KLF12: variants seen among roughly 807,000 people sequenced by gnomAD.
KLF12 encodes the protein Krueppel-like factor 12.
A neutral mutation model predicts 37.8 loss-of-function variants in KLF12; 9 were observed. The observed-to-expected ratio is 0.24, with a 90% CI of 0.14 to 0.42. The LOEUF (loss-of-function observed/expected upper bound fraction) is 0.42. Ranked by LOEUF, KLF12 falls within the 10% of genes least tolerant of loss-of-function variation. The probability of loss-of-function intolerance (pLI) is 1.00; values close to 1 mark genes in which losing one functional copy is unlikely to be tolerated. For synonymous variants in KLF12, 208 were observed against 202.1 expected (o/e 1.03, Z -0.25); for missense variants, 411 against 516.0 (o/e 0.80, Z 1.97).
chr13:74,077,837 T>C lies in KLF12; in HGVS notation c.-32+55902A>G, dbSNP rs1874654470. Among the ~76,000 whole-genome samples the C allele has an allele frequency of 1.3e-5, 2 of 152,214 alleles. 1 individual carries two copies. Among genetic ancestry groups the C allele is most frequent in the Admixed American group, 1.3e-4 (2 of 15,278 alleles). ...TCTCTGCCCAATTTTCCTTGTAGCA[T>C]CAGTTAAACTGCCTTAATTTTTCTT... is the stretch of plus-strand genomic sequence containing the variant. On this transcript the variant is annotated intron_variant, in intron 1 of 7. Coordinates refer to ENST00000377669, the MANE Select transcript of KLF12 (RefSeq NM_007249.5).
intron 7 of KLF12, among the ~76,000 whole-genome samples, chr13:73,709,262 T>C (rs1875182493): frequency 6.6e-6 from 1 of 152,184 alleles, no homozygotes; most frequent in South Asian, 2.1e-4. Context: ...GGTACTTATA[T>C]GGTACAAAAA....
intron 3 of KLF12, among the ~76,000 whole-genome samples, chr13:73,865,399 T>C (rs1886123052): frequency 6.6e-6 from 1 of 152,136 alleles, no homozygotes; most frequent in African/African-American, 2.4e-5. Context: ...AACTCTCATA[T>C]TAGAAACAGT....
intron 3 of KLF12, among the ~76,000 whole-genome samples, chr13:73,927,862 T>C (rs999291942): frequency 1.5e-4 from 9 of 61,626 alleles, no homozygotes; most frequent in African/African-American, 3.7e-4. Flanking sequence ...TGCTGGGATC[T>C]CTTTTTTTTT....
intron 3 of KLF12, among the ~76,000 whole-genome samples, chr13:73,900,121 TA>T (rs1887973905): frequency 6.6e-6 from 1 of 152,236 alleles, no homozygotes; most frequent in African/African-American, 2.4e-5. Context: ...ATGAAAAGTA[TA>T]AAATCACTTC....
intron 4 of KLF12, among the ~76,000 whole-genome samples, chr13:73,830,665 A>G (rs569234028): frequency 6.6e-6 from 1 of 152,282 alleles, no homozygotes; most frequent in African/African-American, 2.4e-5. Context: ...TTATTTTTGT[A>G]GTTTCCCCTT....
chr13:73,961,523 C>T (rs1221066322), intron 2 of KLF12, among the ~76,000 whole-genome samples: 2 of 152,224 alleles, frequency 1.3e-5, no homozygotes, highest in South Asian at 2.1e-4. Context: ...AGGCAGGAAA[C>T]CCCAAATTGT....
intron 6 of KLF12, among the ~76,000 whole-genome samples, chr13:73,722,004 TG>T (rs1876299599): frequency 6.6e-6 from 1 of 152,192 alleles, no homozygotes; most frequent in African/African-American, 2.4e-5. Flanking sequence ...TATTTACAAT[TG>T]TACCAAAAAG....
the KLF12 span, among the ~76,000 whole-genome samples, chr13:74,213,187 C>T: frequency 6.6e-5 from 10 of 152,106 alleles, no homozygotes; most frequent in South Asian, 2.1e-4. Flanking sequence ...TAAATGGGAA[C>T]GTACTAAAAC....
chr13:74,121,821 G>A (rs550404307), intron 1 of KLF12, among the ~76,000 whole-genome samples: 3 of 151,938 alleles, frequency 2.0e-5, no homozygotes, highest in East Asian at 3.9e-4. Context: ...AGGTACTACT[G>A]GATATATGAA....
chr13:73,813,401 T>C (rs974295616), intron 4 of KLF12, 114 bp from the exon 5 acceptor site: 3 of 1,127,390 alleles, frequency 2.7e-6, no homozygotes, highest in African/African-American at 1.6e-5. Flanking sequence ...TGGAATTCTC[T>C]AGACATCACA....
intron 3 of KLF12, among the ~76,000 whole-genome samples, chr13:73,926,179 T>G (rs1346130923): frequency 6.6e-6 from 1 of 152,184 alleles, no homozygotes; most frequent in African/African-American, 2.4e-5. Flanking sequence ...CGAATAGCAT[T>G]GCATGCTACA....
Position 74,090,822 on chromosome 13 carries a change from C to G in KLF12, c.-32+42917G>C, listed in dbSNP as rs553350111. Among the ~76,000 whole-genome samples the G allele has an allele frequency of 2.0e-5, 3 of 150,630 alleles. No individual in the cohort carries two copies. In the East Asian group the frequency reaches 5.8e-4, roughly 29 times the overall value. On this transcript the variant is annotated intron_variant, in intron 1 of 7. Transcript: ENST00000377669. ...TTTATTCTCTTAACAATGTCATTCA[C>G]AGGACAAAACTTTCAATTTTGATAT... is the stretch of plus-strand genomic sequence containing the variant.
In KLF12 at chr13:74,093,441, T is replaced by A. The variant is rs138119096; in HGVS notation, c.-32+40298A>T. Among the ~76,000 whole-genome samples the A allele has an allele frequency of 3.9e-5, 6 of 152,240 alleles. No individual in the cohort carries two copies. In the East Asian group the frequency reaches 1.2e-3, roughly 29 times the overall value. On this transcript the variant is annotated intron_variant, in intron 1 of 7. Coordinates refer to ENST00000377669, the MANE Select transcript of KLF12 (RefSeq NM_007249.5). Reference sequence around the variant, plus strand: ...CCATATTTCCAACATTGTGAGCACATCCACTCAAAATAATATAGCATAAAG... The same window carrying A: ...CCATATTTCCAACATTGTGAGCACAACCACTCAAAATAATATAGCATAAAG...
At chr13:74,206,941 T>C in the KLF12 span, among the ~76,000 whole-genome samples, 2 of 152,222 alleles carry the variant, frequency 1.3e-5, no homozygotes, top group African/African-American at 4.8e-5. Flanking sequence ...AGTCATTGTC[T>C]AAGTCTGTTT....
intron 6 of KLF12, among the ~76,000 whole-genome samples, chr13:73,751,716 T>A (rs1878767325): frequency 6.6e-6 from 1 of 152,200 alleles, no homozygotes; most frequent in Non-Finnish European, 1.5e-5. Context: ...AGTCTTCTTG[T>A]GGAAGAAAGA....
At chr13:74,116,265 A>C (rs1173780366) in intron 1 of KLF12, among the ~76,000 whole-genome samples, 3 of 152,144 alleles carry the variant, frequency 2.0e-5, no homozygotes, top group Admixed American at 6.5e-5. Flanking sequence ...ACTGGAGACC[A>C]TTTCTTTGCT....
At chr13:73,966,381 TA>T (rs1380059882) in intron 2 of KLF12, among the ~76,000 whole-genome samples, 4 of 151,626 alleles carry the variant, frequency 2.6e-5, no homozygotes, top group African/African-American at 9.7e-5. Context: ...TAAAGAGAAC[TA>T]AAAGAAAAAA....
intron 1 of KLF12, among the ~76,000 whole-genome samples, chr13:74,025,980 C>T (rs1682682464): frequency 6.6e-6 from 1 of 152,104 alleles, no homozygotes; most frequent in Non-Finnish European, 1.5e-5. Context: ...TAAGATTTCT[C>T]TAGTGAAACA....
At chr13:74,146,319 C>A in the KLF12 span, among the ~76,000 whole-genome samples, 2 of 152,100 alleles carry the variant, frequency 1.3e-5, no homozygotes, top group African/African-American at 4.8e-5. Context: ...CTTCAATAAC[C>A]TTTATTTTTC....
Sources: allele counts gnomAD v4.1 joint callset (sites outside exome capture counted in the v4.1 genomes callset), GRCh38; gene constraint gnomAD v4.1.1; transcripts MANE v1.5; gene names NCBI Gene and HGNC (gene_info 2026-07-23, HGNC 2026-07-21).